Variants in CMTR1 observed in about 807,000 individuals in gnomAD.
CMTR1 encodes cap methyltransferase 1.
In CMTR1, 39 loss-of-function variants were observed where a neutral mutation model predicts 107.0. That is an observed-to-expected ratio of 0.36 (90% CI 0.28 to 0.48). The LOEUF (loss-of-function observed/expected upper bound fraction) is 0.48, where lower values mean the gene tolerates loss of function less well. Among genes scored for constraint, CMTR1 ranks in the 20% least tolerant of loss-of-function variants. CMTR1 has a pLI of 0.99. For synonymous variants in CMTR1, 366 were observed against 379.5 expected, an observed-to-expected ratio of 0.96 and a Z score of 0.41; for missense variants, 672 against 1,064.9, an observed-to-expected ratio of 0.63 and a Z score of 5.14.
rs1761360787 is a variant in CMTR1 at position 37,459,584 on chromosome 6, G to A, written c.995G>A (p.Gly332Glu). The change falls in exon 10 of 24, where the codon GGA (glycine) becomes GAA (glutamate). Residue 332 changes from glycine (G) to glutamate (E), a missense_variant. By Grantham distance (98) the Gly-to-Glu change is moderately conservative. This residue lies in a region of CMTR1 where 583 missense variants were observed against 968.4 expected (regional missense o/e 0.60). Coordinates refer to ENST00000373451, the MANE Select transcript of CMTR1 (RefSeq NM_015050.3). ...EPYYGEGGID[G>E]DGDITRPENI... is the part of the protein sequence containing the mutation. The stretch of plus-strand genomic sequence containing the variant: ...CTGACAGGTGAGGGTGGGATTGATG[G>A]AGATGGAGATATCACCCGCCCAGAG... The A allele has an allele frequency of 6.2e-7, 1 of 1,614,116 alleles. No homozygotes were observed. Among genetic ancestry groups the A allele is most frequent in the Non-Finnish European group, 8.5e-7 (1 of 1,179,976 alleles).
At chr6:37,459,218 C>T (rs897210205) in intron 9 of CMTR1, among the ~76,000 whole-genome samples, 2 of 152,254 alleles carry the variant, frequency 1.3e-5, no homozygotes, top group African/African-American at 4.8e-5. Flanking sequence ...CCACAGCAGT[C>T]CCTCTGTTCT....
At chr6:37,447,487 C>T (rs925837709) in intron 4 of CMTR1, among the ~76,000 whole-genome samples, 6 of 152,190 alleles carry the variant, frequency 3.9e-5, no homozygotes, top group African/African-American at 1.4e-4. Flanking sequence ...GTTTCTATGT[C>T]TTCATTCGTG....
At chr6:37,447,073 C>T (rs541672529) in intron 4 of CMTR1, among the ~76,000 whole-genome samples, 21 of 152,130 alleles carry the variant, frequency 1.4e-4, no homozygotes, top group Admixed American at 1.3e-3. Flanking sequence ...TATCTTATTC[C>T]GTAAAGGATC....
Position 37,462,709 on chromosome 6 carries a change from G to A in CMTR1, c.1326-120G>A, listed in dbSNP as rs1286891348. 2.2e-5 allele frequency: 19 copies of A among 864,124 alleles called. No individual in the cohort carries two copies. The Admixed American group carries it at 2.4e-4, about 11-fold the overall frequency. The allele number at this position is 864,124 out of a possible 1,614,324, so 53.5% of individuals were successfully genotyped here. A position where few individuals can be genotyped will look rare whatever the true frequency, so the allele number is the denominator to read the frequency against. ...AAAGGGTCTGTGTTGTTCTTTGTGC[G>A]TAGGCCTAAGGTTGAACAGGGAAGC... On this transcript the variant is annotated intron_variant, in intron 12 of 23. Coordinates refer to ENST00000373451, the MANE Select transcript of CMTR1 (RefSeq NM_015050.3).
chr6:37,473,423 G>A, intron 16 of CMTR1, 47 bp from the exon 17 acceptor site: 2 of 1,592,728 alleles, frequency 1.3e-6, no homozygotes, highest in Non-Finnish European at 1.7e-6. Context: ...CACCCATACT[G>A]TCCCTTCCCC....
chr6:37,471,071 A>G lies in CMTR1; in HGVS notation c.1556A>G (p.Gln519Arg), dbSNP rs755670613. ...CTGGCGAAAATCCATGCCTTTGTTC[A>G]AGACACGTGAGTGTTGCCCACTTTT... is the stretch of plus-strand genomic sequence containing the variant. The part of the protein sequence containing the change: ...KALAKIHAFV[Q>R]DTTLSEPRQA... The change falls in exon 14 of 24, where the codon CAA becomes CGA. Residue 519 changes from glutamine (Q) to arginine (R), a missense_variant. Gln to Arg is a conservative substitution (Grantham distance 43, BLOSUM62 1). Transcript: ENST00000373451. 1 of 1,606,290 alleles carries G rather than the reference A, an allele frequency of 6.2e-7. No homozygotes were observed. The highest frequency in any genetic ancestry group is 8.5e-7 in the Non-Finnish European group (1 of 1,175,876).
intron 4 of CMTR1, among the ~76,000 whole-genome samples, chr6:37,449,171 C>T (rs1344262594): frequency 6.6e-6 from 1 of 152,068 alleles, no homozygotes; most frequent in South Asian, 2.1e-4. Context: ...GTCTTAAACT[C>T]CTGGCCTCAA....
intron 9 of CMTR1, among the ~76,000 whole-genome samples, chr6:37,459,074 G>A (rs1761352764): frequency 6.6e-6 from 1 of 152,236 alleles, no homozygotes; most frequent in African/African-American, 2.4e-5. Flanking sequence ...TGCTTTTGTG[G>A]TGGCAGGAGA....
intron 13 of CMTR1, among the ~76,000 whole-genome samples, chr6:37,464,459 TC>T (rs1761464222): frequency 6.9e-6 from 1 of 145,618 alleles, no homozygotes; most frequent in African/African-American, 2.6e-5. Flanking sequence ...AGAGGAAGAC[TC>T]CATCTCAAAA....
At chr6:37,435,546 T>C (rs1771508395) in intron 1 of CMTR1, 78 bp from the exon 2 acceptor site, 1 of 1,491,908 alleles carries the variant, frequency 6.7e-7, no homozygotes, top group African/African-American at 1.4e-5. Flanking sequence ...CCATTGATGA[T>C]TTACACTTTG....
chr6:37,424,944 CTT>C, the CMTR1 span, among the ~76,000 whole-genome samples: 100 of 101,380 alleles, frequency 9.9e-4, no homozygotes, highest in African/African-American at 2.0e-3. Flanking sequence ...TTTTCCCTCA[CTT>C]TTTTTTTTTT....
chr6:37,448,851 G>A (rs1420576296), intron 4 of CMTR1, among the ~76,000 whole-genome samples: 2 of 152,132 alleles, frequency 1.3e-5, no homozygotes, highest in East Asian at 1.9e-4. Flanking sequence ...AGAATCATCT[G>A]GGGACTTCTG....
chr6:37,476,282 G>A, intron 20 of CMTR1, 88 bp downstream of exon 20: 1 of 1,366,824 alleles, frequency 7.3e-7, no homozygotes, highest in Non-Finnish European at 1.0e-6. Context: ...CTCAGTGGAG[G>A]GCACTAGGCA....
intron 13 of CMTR1, among the ~76,000 whole-genome samples, chr6:37,464,995 C>T (rs933164668): frequency 3.3e-5 from 5 of 150,930 alleles, no homozygotes; most frequent in African/African-American, 4.9e-5. Context: ...TATGGCCGGG[C>T]GCGGTGGCTC....
intron 21 of CMTR1, 102 bp from the exon 22 acceptor site, chr6:37,478,307 C>A: frequency 2.2e-6 from 2 of 918,380 alleles, no homozygotes; most frequent in Non-Finnish European, 3.5e-6. Flanking sequence ...TAAGTCAAAC[C>A]AGGATCAGAT....
rs560406617 is a variant in CMTR1, at chr6:37,467,153, C to T, written c.1506-3868C>T. The stretch of plus-strand genomic sequence containing the variant: ...CTGCCCTCCAGCCTGGGTGACAGAA[C>T]GAGACCGTGTCTCAAAAAAAAGGAT... On this transcript the variant is annotated intron_variant, in intron 13 of 23. Coordinates refer to ENST00000373451, the MANE Select transcript of CMTR1 (RefSeq NM_015050.3). Among the ~76,000 whole-genome samples the T allele has an allele frequency of 1.2e-4, 18 of 152,194 alleles. No individual in the cohort carries two copies. In the East Asian group the frequency reaches 2.1e-3, roughly 18 times the overall value.
At chr6:37,426,643 C>A in the CMTR1 span, among the ~76,000 whole-genome samples, 1 of 152,034 alleles carries the variant, frequency 6.6e-6, no homozygotes, top group East Asian at 1.9e-4. Context: ...AAGCTATCCT[C>A]CCACCTCAGC....
At chr6:37,428,012 G>C in the CMTR1 span, among the ~76,000 whole-genome samples, 13 of 52,406 alleles carry the variant, frequency 2.5e-4, no homozygotes, top group African/African-American at 1.0e-3. Context: ...CAGAGACAGA[G>C]AGAGAGAGAG....
intron 6 of CMTR1, 131 bp downstream of exon 6, chr6:37,452,008 CT>C: frequency 2.9e-6 from 2 of 678,700 alleles, no homozygotes; most frequent in Non-Finnish European, 5.1e-6. Flanking sequence ...AGATGCATAG[CT>C]TGGTTCATAT....
Sources: gnomAD v4.1 joint callset for allele counts (sites outside exome capture counted in the v4.1 genomes callset) on GRCh38, gnomAD v4.1.1 for gene constraint, gnomAD v4.1.1 regional missense constraint, MANE v1.5 for transcripts, NCBI Gene and HGNC (gene_info 2026-07-23, HGNC 2026-07-21) for gene names.